Variants in ACACA observed in about 807,000 individuals in gnomAD.
ACACA encodes the protein acetyl-CoA carboxylase alpha.
A neutral mutation model predicts 296.1 loss-of-function variants in ACACA; 103 were observed. The observed-to-expected ratio is 0.35, with a 90% CI of 0.30 to 0.41. The LOEUF (loss-of-function observed/expected upper bound fraction) is 0.41, where lower values mean the gene tolerates loss of function less well. ACACA is among the 10% of genes least tolerant of loss of function. The pLI, the probability that ACACA is intolerant of heterozygous loss-of-function variation, is 1.00. For synonymous variants in ACACA, 953 were observed against 1,038.6 expected, an observed-to-expected ratio of 0.92 and a Z score of 1.58; for missense variants, 1,554 against 2,989.7, an observed-to-expected ratio of 0.52 and a Z score of 11.20.
chr17:37,205,700 G>A, intron 33 of ACACA, 65 bp downstream of exon 33: 1 of 1,224,550 alleles, frequency 8.2e-7, no homozygotes, highest in South Asian at 1.2e-5. Context: ...CTGATAAAAG[G>A]ATAGCTATGA....
At chr17:37,165,675 A>T (rs1363245184) in intron 41 of ACACA, among the ~76,000 whole-genome samples, 2 of 139,702 alleles carry the variant, frequency 1.4e-5, no homozygotes, top group Non-Finnish European at 3.1e-5. Flanking sequence ...TGTGTAGAGA[A>T]TTTTTTTTTT....
chr17:37,238,609 T>C (rs549833959), intron 24 of ACACA, among the ~76,000 whole-genome samples: 7 of 152,230 alleles, frequency 4.6e-5, no homozygotes, highest in Non-Finnish European at 7.3e-5. Context: ...GCATTACAAA[T>C]ACACTAACAG....
At chr17:37,307,917 ATTC>A (rs1026424513) in intron 3 of ACACA, among the ~76,000 whole-genome samples, 28 of 149,408 alleles carry the variant, frequency 1.9e-4, no homozygotes, top group African/African-American at 7.0e-4. Context: ...ATATTTTAAT[ATTC>A]TTCTTCAGCA....
chr17:37,241,195 C>CAAAA lies in ACACA; in HGVS notation c.3033-635_3033-632dup, dbSNP rs906234474. Reference sequence around the variant, plus strand: ...GGATGACAGTGTGAGACCCTGTCTCCAAAAAAAATAAATAAATAAATAAAT... The same window carrying CAAAA: ...GGATGACAGTGTGAGACCCTGTCTCCAAAAAAAAAAAATAAATAAATAAATAAAT... On this transcript the variant is annotated intron_variant, in intron 23 of 55. Transcript: ENST00000616317. Among the ~76,000 whole-genome samples the CAAAA allele has an allele frequency of 4.4e-4, 65 of 147,896 alleles. 1 individual carries two copies. In the East Asian group the frequency reaches 7.8e-3, roughly 18 times the overall value.
In ACACA at chr17:37,335,045, C is replaced by T. The variant is rs12452294; in HGVS notation, c.86-4620G>A. ...GGGGGTGGAGTTCAAGATCAGGCAA[C>T]AGAAAAACACATAAAGGAAGTAATC... On this transcript the variant is annotated intron_variant, in intron 2 of 55. Coordinates refer to ENST00000616317, the MANE Select transcript of ACACA (RefSeq NM_198834.3). Among the ~76,000 whole-genome samples the T allele has an allele frequency of 8.7e-3, 1,326 of 151,994 alleles. 34 individuals are homozygous for T. The highest frequency in any genetic ancestry group is 0.047 in the Admixed American group (713 of 15,244).
intron 1 of ACACA, among the ~76,000 whole-genome samples, chr17:37,370,253 G>A (rs1260921275): frequency 6.6e-6 from 1 of 151,764 alleles, no homozygotes; most frequent in Non-Finnish European, 1.5e-5. Context: ...TGATCCACCT[G>A]CCTCAGCTTC....
chr17:37,260,251 TATATA>T (rs2081390779), intron 11 of ACACA, among the ~76,000 whole-genome samples: 1 of 7,938 alleles, frequency 1.3e-4, no homozygotes, highest in African/African-American at 6.8e-4. Flanking sequence ...TCCCAAGTCA[TATATA>T]TATATATATA....
intron 52 of ACACA, among the ~76,000 whole-genome samples, chr17:37,111,313 GA>G (rs563484443): frequency 6.6e-6 from 1 of 151,670 alleles, no homozygotes; most frequent in African/African-American, 2.4e-5. Flanking sequence ...GAAATATCAG[GA>G]AAAAAAATCA....
chr17:37,370,375 G>A (rs1427511112), intron 1 of ACACA, among the ~76,000 whole-genome samples: 3 of 151,306 alleles, frequency 2.0e-5, no homozygotes, highest in Non-Finnish European at 4.4e-5. Context: ...GCCCAGACGC[G>A]GTGGCTCACG....
chr17:37,267,796 T>C (rs1331780936), intron 10 of ACACA, among the ~76,000 whole-genome samples: 1 of 151,680 alleles, frequency 6.6e-6, no homozygotes, highest in Non-Finnish European at 1.5e-5. Context: ...TGTCTTGCTC[T>C]GTCACCCAGA....
intron 9 of ACACA, among the ~76,000 whole-genome samples, chr17:37,273,595 A>G (rs2082156248): frequency 1.3e-5 from 2 of 152,256 alleles, no homozygotes; most frequent in Admixed American, 1.3e-4. Flanking sequence ...GTCAGCTCTC[A>G]GCCATACACT....
chr17:37,192,074 A>G lies in ACACA; in HGVS notation c.4416+16T>C, dbSNP rs1333600095. ...CTTCCCTCAGGGATAACATCCCATT[A>G]AAGTACAGCACCCACCTTGGTGACC... On this transcript the variant is annotated intron_variant, in intron 37 of 55. Coordinates refer to ENST00000616317, the MANE Select transcript of ACACA (RefSeq NM_198834.3). The G allele has an allele frequency of 1.2e-6, 2 of 1,613,154 alleles. No homozygotes were observed. Among genetic ancestry groups the G allele is most frequent in the East Asian group, 4.5e-5 (2 of 44,878 alleles).
chr17:37,350,273 G>A (rs1309338602), intron 1 of ACACA, among the ~76,000 whole-genome samples: 3 of 151,664 alleles, frequency 2.0e-5, no homozygotes, highest in Non-Finnish European at 4.4e-5. Context: ...CGAGGCTGCA[G>A]TGAGCCATAA....
chr17:37,393,466 G>T (rs1360778229), intron 1 of ACACA, among the ~76,000 whole-genome samples: 1 of 152,068 alleles, frequency 6.6e-6, no homozygotes, highest in African/African-American at 2.4e-5. Flanking sequence ...ACCCACCACT[G>T]AATGTCCCTT....
intron 41 of ACACA, among the ~76,000 whole-genome samples, chr17:37,163,517 C>T (rs2076549140): frequency 6.6e-6 from 1 of 152,168 alleles, no homozygotes; most frequent in Non-Finnish European, 1.5e-5. Flanking sequence ...TCCAAGAAAC[C>T]TTTAACACAC....
Position 37,235,853 on chromosome 17 carries a change from C to T in ACACA, c.3122-754G>A, listed in dbSNP as rs1019368313. Among the ~76,000 whole-genome samples the T allele has an allele frequency of 2.0e-5, 3 of 152,222 alleles. No homozygotes were observed. The South Asian group carries it at 6.2e-4, about 32-fold the overall frequency. On this transcript the variant is annotated intron_variant, in intron 24 of 55. Coordinates refer to ENST00000616317, the MANE Select transcript of ACACA (RefSeq NM_198834.3). The stretch of plus-strand genomic sequence containing the variant: ...TTTCACTTGCCTTCCCTAAGGCCAC[C>T]AGGGGCAGGTTAGTTCTGAGTAGGA...
chr17:37,353,330 T>A (rs1298511399), intron 1 of ACACA, among the ~76,000 whole-genome samples: 1 of 151,972 alleles, frequency 6.6e-6, no homozygotes, highest in Non-Finnish European at 1.5e-5. Context: ...AAGAACAGAT[T>A]TGAAAAATGC....
intron 1 of ACACA, chr17:37,387,999 T>A (rs1289016067): frequency 6.6e-6 from 1 of 152,104 alleles, no homozygotes; most frequent in Non-Finnish European, 1.5e-5. Flanking sequence ...TCTGTCTGTA[T>A]AAAAAAATTT....
chr17:37,359,176 T>G, intron 1 of ACACA: 1 of 922,150 alleles, frequency 1.1e-6, no homozygotes, highest in South Asian at 5.0e-5. Context: ...GCCCCGCCCC[T>G]GTCTCCCACC....
Sources: gnomAD v4.1 joint callset for allele counts (sites outside exome capture counted in the v4.1 genomes callset) on GRCh38, gnomAD v4.1.1 for gene constraint, MANE v1.5 for transcripts, NCBI Gene and HGNC (gene_info 2026-07-23, HGNC 2026-07-21) for gene names.